RGS7: variants seen among roughly 807,000 people sequenced by gnomAD.
The protein encoded by RGS7 is regulator of G-protein signaling 7.
In RGS7, 27 loss-of-function variants were observed where a neutral mutation model predicts 81.1. The observed-to-expected ratio is 0.33, with a 90% CI of 0.25 to 0.46. The LOEUF (loss-of-function observed/expected upper bound fraction) is 0.46. RGS7 is among the 20% of genes least tolerant of loss of function. RGS7 has a pLI of 1.00. For synonymous variants in RGS7, 208 were observed against 207.7 expected (o/e 1.00, Z -0.01); for missense variants, 396 against 607.4 (o/e 0.65, Z 3.66).
chr1:241,220,981 GGAAGGAAGGAAGGA>G lies in RGS7; in HGVS notation c.79-122233_79-122220del, dbSNP rs1558203061. Among the ~76,000 whole-genome samples, 183 of 55,354 alleles carry G rather than the reference GGAAGGAAGGAAGGA, an allele frequency of 3.3e-3. 9 individuals carry two copies. In the East Asian group the frequency reaches 0.054, roughly 16 times the overall value. 36.3% of individuals were successfully genotyped at this position (55,354 alleles called of 152,430 possible). A position where few individuals can be genotyped will look rare whatever the true frequency, so the allele number is the denominator to read the frequency against. On this transcript the variant is annotated intron_variant, in intron 2 of 18. Transcript: ENST00000440928. ...AGGAAGGAAGGAAGGAAGGAAGGAA[GGAAGGAAGGAAGGA>G]AGAGAGAGAGAAAGGAAGGAAGGAA...
chr1:241,105,899 T>C (rs2065064126), intron 2 of RGS7, among the ~76,000 whole-genome samples: 1 of 152,192 alleles, frequency 6.6e-6, no homozygotes. Flanking sequence ...GTGGGCAGAT[T>C]GAATGGCTTT....
intron 3 of RGS7, among the ~76,000 whole-genome samples, chr1:240,995,145 G>T (rs55785448): frequency 0.26 from 39,373 of 152,072 alleles, 6,326 homozygotes; most frequent in Middle Eastern, 0.36. Context: ...CTGGATTACA[G>T]GGTTAATTTT....
intron 3 of RGS7, among the ~76,000 whole-genome samples, chr1:241,030,629 T>C (rs1306476533): frequency 6.6e-6 from 1 of 151,698 alleles, no homozygotes; most frequent in Non-Finnish European, 1.5e-5. Flanking sequence ...ATCTTAAAAC[T>C]TGGCTCATTC....
intron 2 of RGS7, among the ~76,000 whole-genome samples, chr1:241,197,645 C>A (rs1280656709): frequency 6.6e-6 from 1 of 151,706 alleles, no homozygotes; most frequent in Admixed American, 6.6e-5. Context: ...AACAGTCAAT[C>A]CATGAGGAAG....
intron 2 of RGS7, among the ~76,000 whole-genome samples, chr1:241,278,685 A>G (rs575034024): frequency 3.3e-5 from 5 of 152,208 alleles, no homozygotes; most frequent in Admixed American, 6.5e-5. Context: ...GCTCCCAACA[A>G]TGGGTGGTTG....
chr1:240,914,312 C>A lies in RGS7; in HGVS notation c.385+16405G>T, dbSNP rs142406980. Among the ~76,000 whole-genome samples the A allele has an allele frequency of 3.2e-3, 483 of 152,242 alleles. 3 individuals are homozygous for A. The highest frequency in any genetic ancestry group is 0.011 in the African/African-American group (460 of 41,538). ...TATTAGCATTCTGCTTAGATAAATA[C>A]AATCTTATTTTATTTCTCTCTCCTT... is the stretch of plus-strand genomic sequence containing the variant. On this transcript the variant is annotated intron_variant, in intron 6 of 18. Transcript: ENST00000440928.
At position 241,093,546 on chromosome 1, in the gene RGS7, G is replaced by A. The variant is rs543409633; in HGVS notation, c.175+5120C>T. Reference sequence around the variant, plus strand: ...CGTAGTTAGCATGCATCTAAGACCAGCAGACACCAATCCCATATTTTTAAA... The same window carrying A: ...CGTAGTTAGCATGCATCTAAGACCAACAGACACCAATCCCATATTTTTAAA... On this transcript the variant is annotated intron_variant, in intron 3 of 18. Transcript: ENST00000440928. Among the ~76,000 whole-genome samples, 391 of 151,992 alleles carry A rather than the reference G, an allele frequency of 2.6e-3. 4 individuals are homozygous for A. Among genetic ancestry groups the A allele is most frequent in the African/African-American group, 9.1e-3 (377 of 41,398 alleles).
chr1:240,814,184 A>C (rs1485811954), intron 12 of RGS7, among the ~76,000 whole-genome samples: 6 of 152,236 alleles, frequency 3.9e-5, no homozygotes, highest in African/African-American at 1.4e-4. Flanking sequence ...TAAAAATTTT[A>C]AAAAGGGAGA....
At chr1:241,191,558 G>A (rs889194453) in intron 2 of RGS7, among the ~76,000 whole-genome samples, 10 of 152,024 alleles carry the variant, frequency 6.6e-5, no homozygotes, top group Non-Finnish European at 1.5e-4. Flanking sequence ...GAGATACATC[G>A]CTCTTTAGTT....
chr1:240,807,230 A>G (rs993672127), intron 14 of RGS7, among the ~76,000 whole-genome samples: 2 of 152,242 alleles, frequency 1.3e-5, no homozygotes, highest in Non-Finnish European at 2.9e-5. Context: ...GCTCTAGGCT[A>G]GAGCTTGCTG....
intron 3 of RGS7, among the ~76,000 whole-genome samples, chr1:241,068,257 T>TATATATATATATATATATAA (rs1433690559): frequency 0.034 from 2,419 of 71,788 alleles, 464 homozygotes; most frequent in East Asian, 0.069. Flanking sequence ...TATATATATA[T>TATATATATATATATATATAA]AAAATATTGT....
chr1:240,842,062 GAC>G (rs1255931920), intron 9 of RGS7, among the ~76,000 whole-genome samples: 1 of 151,938 alleles, frequency 6.6e-6, no homozygotes, highest in Non-Finnish European at 1.5e-5. Context: ...CACAGTTCTT[GAC>G]ACACAGAATA....
At chr1:241,346,151 A>T (rs1175264648) in intron 2 of RGS7, among the ~76,000 whole-genome samples, 1 of 1,456 alleles carries the variant, frequency 6.9e-4, no homozygotes, top group African/African-American at 7.1e-4. Context: ...AAAATTTGAT[A>T]AAAAAAACTG....
Position 240,917,950 on chromosome 1 carries a change from A to G in RGS7, c.385+12767T>C, listed in dbSNP as rs186273034. Among the ~76,000 whole-genome samples, 541 of 152,306 alleles carry G rather than the reference A, an allele frequency of 3.6e-3. 1 individual carries two copies. The highest frequency in any genetic ancestry group is 3.7e-3 in the Non-Finnish European group (254 of 68,012). On this transcript the variant is annotated intron_variant, in intron 6 of 18. Transcript: ENST00000440928. Reference sequence around the variant, plus strand: ...TGCTAAAACTAATCAAAATAAAGCTAAATTAGATAAATTAATTTCAGACAA... The same window carrying G: ...TGCTAAAACTAATCAAAATAAAGCTGAATTAGATAAATTAATTTCAGACAA...
intron 9 of RGS7, among the ~76,000 whole-genome samples, chr1:240,853,761 G>T (rs1013123233): frequency 1.3e-4 from 20 of 151,642 alleles, no homozygotes; most frequent in African/African-American, 4.4e-4. Flanking sequence ...AATTAGCCGG[G>T]CGTGGTGCGG....
chr1:240,820,973 C>A (rs6696184), intron 10 of RGS7, among the ~76,000 whole-genome samples: 9,755 of 152,112 alleles, frequency 0.064, 1,047 homozygotes, highest in African/African-American at 0.22. Flanking sequence ...CTTTCTTTCA[C>A]GGTTGCTCAG....
At chr1:241,200,173 A>C (rs1159789695) in intron 2 of RGS7, among the ~76,000 whole-genome samples, 2 of 152,222 alleles carry the variant, frequency 1.3e-5, no homozygotes, top group Admixed American at 6.5e-5. Context: ...ACAAACAACT[A>C]TAACAGGTGA....
chr1:241,025,487 T>G (rs2059737723), intron 3 of RGS7, among the ~76,000 whole-genome samples: 1 of 152,230 alleles, frequency 6.6e-6, no homozygotes, highest in Non-Finnish European at 1.5e-5. Flanking sequence ...AGCTGAGATC[T>G]GAAGCCACAT....
At chr1:240,811,831 G>A in intron 14 of RGS7, 87 bp downstream of exon 14, 2 of 1,183,824 alleles carry the variant, frequency 1.7e-6, no homozygotes, top group Non-Finnish European at 1.3e-6. Flanking sequence ...GTTAGTGGAA[G>A]AATAATTGAT....
Sources: gnomAD v4.1 joint callset for allele counts (sites outside exome capture counted in the v4.1 genomes callset) on GRCh38, gnomAD v4.1.1 for gene constraint, MANE v1.5 for transcripts, NCBI Gene and HGNC (gene_info 2026-07-23, HGNC 2026-07-21) for gene names.